IL2RB: variants seen among roughly 807,000 people sequenced by gnomAD.
IL2RB encodes interleukin-2 receptor subunit beta.
IL2RB carries 17 observed loss-of-function variants against 44.2 expected under a neutral mutation model. The ratio of observed to expected loss-of-function variants is 0.38; its 90% CI spans 0.26 to 0.58. The LOEUF (loss-of-function observed/expected upper bound fraction) is 0.58, where lower values mean the gene tolerates loss of function less well. Ranked by LOEUF, IL2RB falls within the 20% of genes least tolerant of loss-of-function variation. The probability of loss-of-function intolerance (pLI) is 0.63; values close to 1 mark genes in which losing one functional copy is unlikely to be tolerated. For missense variants in IL2RB, 624 were observed against 685.5 expected, an observed-to-expected ratio of 0.91 and a Z score of 1.00; for synonymous variants, 286 against 297.9, an observed-to-expected ratio of 0.96 and a Z score of 0.41.
intron 4 of IL2RB, among the ~76,000 whole-genome samples, chr22:37,140,147 A>G (rs536334913): frequency 3.7e-4 from 56 of 152,316 alleles, no homozygotes; most frequent in African/African-American, 9.6e-4. Flanking sequence ...TCTGGTCTGC[A>G]TAAGACCCAC....
At chr22:37,164,903 G>C (rs1477043668) in intron 1 of IL2RB, among the ~76,000 whole-genome samples, 1 of 152,044 alleles carries the variant, frequency 6.6e-6, no homozygotes, top group Non-Finnish European at 1.5e-5. Flanking sequence ...GCTGAAGGCA[G>C]TTTCAGGTTC....
At chr22:37,168,984 T>A (rs1923172734) in intron 1 of IL2RB, among the ~76,000 whole-genome samples, 1 of 151,414 alleles carries the variant, frequency 6.6e-6, no homozygotes. Context: ...TACAGAGGGG[T>A]CCTTGTTTAC....
At chr22:37,171,630 T>C (rs2145744352) in intron 1 of IL2RB, among the ~76,000 whole-genome samples, 1 of 152,296 alleles carries the variant, frequency 6.6e-6, no homozygotes, top group Non-Finnish European at 1.5e-5. Flanking sequence ...ATGAAAACTA[T>C]GGAATGCTTC....
intron 1 of IL2RB, among the ~76,000 whole-genome samples, chr22:37,174,396 C>G (rs2145746356): frequency 6.6e-6 from 1 of 152,236 alleles, no homozygotes; most frequent in African/African-American, 2.4e-5. Context: ...CCAGCTGAAA[C>G]CAGTTGAGAC....
Position 37,136,241 on chromosome 22 carries a change from C to T in IL2RB, c.690G>A (p.Arg230=), listed in dbSNP as rs1465007007. 2 of 1,610,780 alleles carry T rather than the reference C, an allele frequency of 1.2e-6. No homozygotes were observed. The highest frequency in any genetic ancestry group is 1.7e-6 in the Non-Finnish European group (2 of 1,179,282). ...WSPWSQPLAF[R]TKPAALGKDT... ...GCCCACCAGTACCTGCAGGCTTTGT[C>T]CTGAAGGCCAGGGGCTGGCTCCAGG... The change falls in exon 7 of 10, where the codon AGG becomes AGA. Residue 230 remains arginine, a synonymous_variant. Coordinates refer to ENST00000216223, the MANE Select transcript of IL2RB (RefSeq NM_000878.5).
In IL2RB at chr22:37,128,517, G is replaced by A; in HGVS notation, c.1235C>T (p.Ser412Leu). Residue 412 changes from serine (S) to leucine (L), a missense_variant, in exon 10 of 10, where the codon TCA becomes TTA. This residue lies in a region of IL2RB where 291 missense variants were observed against 275.5 expected (regional missense o/e 1.06). Coordinates refer to ENST00000216223, the MANE Select transcript of IL2RB (RefSeq NM_000878.5). The surrounding 1 kb of genome is among the most constrained non-coding windows in gnomAD (Gnocchi z 4.5). ...GGTGCAGTAGGCGTCGTCCTCCCCT[G>A]ACAGAGGCTGCAGGGGTTGGGGGGA... is the stretch of plus-strand genomic sequence containing the variant. ...GSSPQPLQPL[S>L]GEDDAYCTFP... is the part of the protein sequence containing the mutation. The A allele has an allele frequency of 6.2e-7, 1 of 1,612,384 alleles. No homozygotes were observed. The highest frequency in any genetic ancestry group is 1.3e-5 in the African/African-American group (1 of 74,974).
chr22:37,132,128 G>A (rs985474207), intron 9 of IL2RB, among the ~76,000 whole-genome samples: 1 of 152,152 alleles, frequency 6.6e-6, no homozygotes, highest in African/African-American at 2.4e-5. Flanking sequence ...TAACAGGTGG[G>A]GAAACTGAGG....
chr22:37,142,240 GCAGGCCTGAGTCCACTCCCTGGGGTGT>G (rs1922003188), intron 4 of IL2RB, among the ~76,000 whole-genome samples, 167 bp downstream of exon 4: 1 of 152,220 alleles, frequency 6.6e-6, no homozygotes, highest in Non-Finnish European at 1.5e-5. Flanking sequence ...CGGCCCTGGG[GCAGGCCTGAGTCCACTCCCTGGGGTGT>G]CACCTGTTTT....
rs142132497 is a variant in IL2RB at position 37,164,398 on chromosome 22, G to C, written c.-34+10560C>G. 7.9e-3 allele frequency among the ~76,000 whole-genome samples: 1,204 copies of C among 151,524 alleles called. 15 individuals are homozygous for C. Among genetic ancestry groups the C allele is most frequent in the African/African-American group, 0.026 (1,075 of 41,340 alleles). On this transcript the variant is annotated intron_variant, in intron 1 of 5. Transcript: ENST00000429622. The stretch of plus-strand genomic sequence containing the variant: ...GCTTCAGGCCTGTGGTTTGAGCCCA[G>C]AGGTGCTGCTGACACTCTGGCTGAA...
chr22:37,137,530 A>C (rs1921766405), intron 6 of IL2RB, 57 bp downstream of exon 6: 2 of 1,580,138 alleles, frequency 1.3e-6, no homozygotes, highest in African/African-American at 1.3e-5. Context: ...GGGACAGGAC[A>C]TGGACCAGGA....
Position 37,139,102 on chromosome 22 carries a change from G to A in IL2RB, c.388+15C>T. 1 of 1,559,652 alleles carries A rather than the reference G, an allele frequency of 6.4e-7. No individual in the cohort carries two copies. Among genetic ancestry groups the A allele is most frequent in the Non-Finnish European group, 8.8e-7 (1 of 1,130,370 alleles). On this transcript the variant is annotated intron_variant, in intron 5 of 9. Coordinates refer to ENST00000216223, the MANE Select transcript of IL2RB (RefSeq NM_000878.5). ...CCCAGCCCTGCCCCAGCCCCACCCT[G>A]GCTTCCTCACTCACGGTTCTCAAAG...
intron 4 of IL2RB, among the ~76,000 whole-genome samples, chr22:37,142,059 C>CA (rs1921994055): frequency 6.6e-6 from 1 of 152,166 alleles, no homozygotes; most frequent in Non-Finnish European, 1.5e-5. Context: ...CTTCACCCCC[C>CA]ACACTGCACT....
At chr22:37,134,760 G>A (rs994591062) in intron 8 of IL2RB, among the ~76,000 whole-genome samples, 23 of 152,148 alleles carry the variant, frequency 1.5e-4, no homozygotes, top group East Asian at 1.9e-4. Context: ...TCCTGATCCC[G>A]GTGTGTCATT....
At chr22:37,139,641 C>T (rs554746911) in intron 4 of IL2RB, among the ~76,000 whole-genome samples, 2 of 152,304 alleles carry the variant, frequency 1.3e-5, no homozygotes, top group East Asian at 3.9e-4. Context: ...TAAGCCCCCA[C>T]AAAGGTACAG....
intron 1 of IL2RB, among the ~76,000 whole-genome samples, chr22:37,149,309 C>A (rs981107199): frequency 6.6e-6 from 1 of 152,178 alleles, no homozygotes; most frequent in Non-Finnish European, 1.5e-5. Context: ...GGCCTCGCAG[C>A]AACTTCACTT....
chr22:37,153,568 C>T (rs1225079581), upstream of IL2RB, among the ~76,000 whole-genome samples: 1 of 152,194 alleles, frequency 6.6e-6, no homozygotes, highest in African/African-American at 2.4e-5. Context: ...TCCCTCTCCT[C>T]TAGAGTAAGG....
intron 1 of IL2RB, among the ~76,000 whole-genome samples, chr22:37,164,627 G>C (rs229493): frequency 6.6e-6 from 1 of 151,964 alleles, no homozygotes; most frequent in African/African-American, 2.4e-5. Flanking sequence ...TTTCTCTCTC[G>C]CTTGAAATCA....
At chr22:37,151,346 A>G (rs1253591357), upstream of IL2RB, among the ~76,000 whole-genome samples, 2 of 152,184 alleles carry the variant, frequency 1.3e-5, no homozygotes, top group African/African-American at 2.4e-5. Context: ...GCACCTTTTC[A>G]TAAACTTATA....
intron 9 of IL2RB, among the ~76,000 whole-genome samples, chr22:37,131,161 C>T (rs928471226): frequency 7.4e-6 from 1 of 135,194 alleles, no homozygotes; most frequent in Non-Finnish European, 1.6e-5. Context: ...AGCAAGACTC[C>T]ATCTCAAAAA....
Sources: allele counts gnomAD v4.1 joint callset (sites outside exome capture counted in the v4.1 genomes callset), GRCh38; gene constraint gnomAD v4.1.1; regional missense constraint gnomAD v4.1.1; non-coding constraint Gnocchi (gnomAD v3.1); transcripts MANE v1.5; gene names NCBI Gene and HGNC (gene_info 2026-07-23, HGNC 2026-07-21).